GALNT13: variants seen among roughly 807,000 people sequenced by gnomAD.
GALNT13 encodes the protein polypeptide N-acetylgalactosaminyltransferase 13, also known as UDP-GalNAc:polypeptide N-acetylgalactosaminyltransferase 13.
Under a neutral mutation model 64.2 loss-of-function variants are expected in GALNT13, and 28 were observed. The ratio of observed to expected loss-of-function variants is 0.44; its 90% CI spans 0.32 to 0.60. The LOEUF (loss-of-function observed/expected upper bound fraction) is 0.60, where lower values mean the gene tolerates loss of function less well. Ranked by LOEUF, GALNT13 falls within the 20% of genes least tolerant of loss-of-function variation. The probability of loss-of-function intolerance (pLI) is 0.05; values close to 1 mark genes in which losing one functional copy is unlikely to be tolerated. For synonymous variants in GALNT13, 214 were observed against 224.6 expected, an observed-to-expected ratio of 0.95 and a Z score of 0.42; for missense variants, 577 against 669.8, an observed-to-expected ratio of 0.86 and a Z score of 1.53.
chr2:153,455,604 C>T, the GALNT13 span, among the ~76,000 whole-genome samples: 2 of 152,188 alleles, frequency 1.3e-5, no homozygotes, highest in African/African-American at 2.4e-5. Flanking sequence ...GAGTGAACTC[C>T]GTGCAGGTCC....
the GALNT13 span, among the ~76,000 whole-genome samples, chr2:153,784,588 G>A: frequency 6.6e-6 from 1 of 152,214 alleles, no homozygotes; most frequent in South Asian, 2.1e-4. Flanking sequence ...TCTAGGCAGA[G>A]CAGCCACTCA....
intron 2 of GALNT13, among the ~76,000 whole-genome samples, chr2:153,917,536 T>C (rs1298432723): frequency 1.3e-5 from 2 of 152,136 alleles, no homozygotes; most frequent in African/African-American, 4.8e-5. Flanking sequence ...TTAACAATTA[T>C]GATAAAACCA....
chr2:153,550,239 CT>C, the GALNT13 span, among the ~76,000 whole-genome samples: 500 of 141,552 alleles, frequency 3.5e-3, no homozygotes, highest in Middle Eastern at 0.011. Context: ...TGAATGGTCA[CT>C]TTTTTTTTTT....
At chr2:153,322,235 C>T in the GALNT13 span, among the ~76,000 whole-genome samples, 72 of 152,184 alleles carry the variant, frequency 4.7e-4, no homozygotes, top group African/African-American at 1.6e-3. Flanking sequence ...CATTGTTTAG[C>T]TCCCACTTAA....
At chr2:153,759,827 TAA>T in the GALNT13 span, among the ~76,000 whole-genome samples, 1 of 149,078 alleles carries the variant, frequency 6.7e-6, no homozygotes, top group African/African-American at 2.5e-5. Flanking sequence ...TCTACCCTCA[TAA>T]AAAAAAAATT....
chr2:153,304,166 G>GGTTTTTTTTTTTTTTTTTTTT, the GALNT13 span, among the ~76,000 whole-genome samples: 2 of 149,298 alleles, frequency 1.3e-5, no homozygotes, highest in East Asian at 3.9e-4. Flanking sequence ...ACACTGTTCT[G>GGTTTTTTTTTTTTTTTTTTTT]TTTTTGAGTC....
At chr2:154,406,628 T>G (rs894364679) in intron 10 of GALNT13, among the ~76,000 whole-genome samples, 1 of 152,168 alleles carries the variant, frequency 6.6e-6, no homozygotes, top group Non-Finnish European at 1.5e-5. Context: ...CCAACTGACC[T>G]TTCCTTTCTA....
At chr2:153,172,364 T>G in the GALNT13 span, among the ~76,000 whole-genome samples, 9,401 of 152,114 alleles carry the variant, frequency 0.062, 354 homozygotes, top group East Asian at 0.1. Flanking sequence ...AGATAGAATG[T>G]TAGCTGGGAG....
chr2:154,358,889 C>T (rs1453621064), intron 9 of GALNT13, among the ~76,000 whole-genome samples: 1 of 152,202 alleles, frequency 6.6e-6, no homozygotes, highest in East Asian at 1.9e-4. Flanking sequence ...TCACTAAAAA[C>T]AGAACCTGTT....
chr2:153,550,537 CTT>C, the GALNT13 span, among the ~76,000 whole-genome samples: 11 of 152,062 alleles, frequency 7.2e-5, no homozygotes, highest in Admixed American at 4.6e-4. Context: ...CCAGGCTTAA[CTT>C]TTGATTTTGC....
the GALNT13 span, among the ~76,000 whole-genome samples, chr2:153,537,474 T>G: frequency 6.6e-6 from 1 of 152,186 alleles, no homozygotes; most frequent in Non-Finnish European, 1.5e-5. Context: ...TGATAAATGC[T>G]GTTGTCATTT....
the GALNT13 span, among the ~76,000 whole-genome samples, chr2:153,175,506 T>C: frequency 3.3e-5 from 5 of 152,152 alleles, no homozygotes; most frequent in Admixed American, 2.6e-4. Context: ...GAGAAGAAGA[T>C]AGAATGCTGA....
intron 2 of GALNT13, among the ~76,000 whole-genome samples, chr2:153,940,553 G>A (rs1005076497): frequency 4.0e-5 from 6 of 151,842 alleles, no homozygotes; most frequent in African/African-American, 1.2e-4. Flanking sequence ...CACCGTGCCC[G>A]GCCAATTTCT....
chr2:153,309,138 A>G, the GALNT13 span, among the ~76,000 whole-genome samples: 1 of 152,148 alleles, frequency 6.6e-6, no homozygotes, highest in South Asian at 2.1e-4. Flanking sequence ...TGAAGCTATT[A>G]TCAGAGATAA....
At chr2:153,621,757 A>G in the GALNT13 span, among the ~76,000 whole-genome samples, 431 of 152,094 alleles carry the variant, frequency 2.8e-3, 9 homozygotes, top group Admixed American at 0.023. Flanking sequence ...GTACTGCCAG[A>G]TTACCAGCCA....
the GALNT13 span, among the ~76,000 whole-genome samples, chr2:153,173,908 A>G: frequency 6.6e-6 from 1 of 152,242 alleles, no homozygotes; most frequent in African/African-American, 2.4e-5. Flanking sequence ...TTTCTAAAAT[A>G]CAATAGTGGG....
the GALNT13 span, among the ~76,000 whole-genome samples, chr2:153,087,693 C>T: frequency 3.3e-5 from 5 of 152,010 alleles, no homozygotes; most frequent in African/African-American, 7.2e-5. Context: ...CCTGATTTAA[C>T]CTAGGAGAAT....
chr2:153,620,034 C>A, the GALNT13 span, among the ~76,000 whole-genome samples: 2 of 152,008 alleles, frequency 1.3e-5, no homozygotes, highest in Non-Finnish European at 2.9e-5. Context: ...TAGAATAAAC[C>A]TCCTAGTCCT....
chr2:153,458,017 G>A, the GALNT13 span, among the ~76,000 whole-genome samples: 4 of 151,956 alleles, frequency 2.6e-5, no homozygotes, highest in African/African-American at 4.8e-5. Context: ...AATTACAAAC[G>A]GCTCTTTTTG....
Sources: allele counts gnomAD v4.1 joint callset (sites outside exome capture counted in the v4.1 genomes callset), GRCh38; gene constraint gnomAD v4.1.1; transcripts MANE v1.5; gene names NCBI Gene and HGNC (gene_info 2026-07-23, HGNC 2026-07-21).